The following ITGB5 variants were observed in gnomAD, a reference collection of about 807,000 sequenced individuals.
ITGB5 encodes integrin subunit beta 5.
ITGB5 carries 38 observed loss-of-function variants against 84.8 expected under a neutral mutation model. That is an observed-to-expected ratio of 0.45 (90% CI 0.35 to 0.59). The LOEUF is 0.59. ITGB5 is among the 20% of genes least tolerant of loss of function. The pLI, the probability that ITGB5 is intolerant of heterozygous loss-of-function variation, is 0.01. For missense variants in ITGB5, 905 were observed against 1,034.5 expected, an observed-to-expected ratio of 0.87 and a Z score of 1.72; for synonymous variants, 393 against 414.4, an observed-to-expected ratio of 0.95 and a Z score of 0.63.
At chr3:124,824,733 CACAG>C (rs750600023) in intron 5 of ITGB5, among the ~76,000 whole-genome samples, 97 of 152,074 alleles carry the variant, frequency 6.4e-4, no homozygotes, top group Non-Finnish European at 2.4e-4. Flanking sequence ...AAAAGATTTG[CACAG>C]ACAATTCACC....
At chr3:124,805,133 T>TTCTCTCTCTCTCTCTCTCTCTC (rs113766698) in intron 9 of ITGB5, among the ~76,000 whole-genome samples, 5 of 142,100 alleles carry the variant, frequency 3.5e-5, no homozygotes, top group Middle Eastern at 3.4e-3. Flanking sequence ...CTTTCTCCCT[T>TTCTCTCTCTCTCTCTCTCTCTC]TCTCTCTCTC....
chr3:124,891,782 G>A (rs1209873346), upstream of ITGB5, among the ~76,000 whole-genome samples: 1 of 151,722 alleles, frequency 6.6e-6, no homozygotes, highest in Non-Finnish European at 1.5e-5. Flanking sequence ...AAATTAGCTG[G>A]GTGTGGTGGC....
At chr3:124,763,807 G>T (rs2063728196) in intron 14 of ITGB5, 89 bp from the exon 15 acceptor site, 1 of 743,730 alleles carries the variant, frequency 1.3e-6, no homozygotes, top group Non-Finnish European at 2.3e-6. Flanking sequence ...CCCTTCCCAG[G>T]TCAGCCCCCT....
At chr3:124,817,878 G>A (rs180932667) in intron 7 of ITGB5, among the ~76,000 whole-genome samples, 168 bp from the exon 8 acceptor site, 1 of 152,190 alleles carries the variant, frequency 6.6e-6, no homozygotes, top group East Asian at 1.9e-4. Context: ...AAGAAGAAAT[G>A]GCACAGAAGA....
intron 5 of ITGB5, among the ~76,000 whole-genome samples, chr3:124,835,196 T>TC (rs3836315): frequency 0.11 from 17,366 of 152,162 alleles, 1,103 homozygotes; most frequent in South Asian, 0.17. Flanking sequence ...GAGTTATGAC[T>TC]CAGCCAGTTC....
chr3:124,813,200 C>T (rs918699667), intron 8 of ITGB5, among the ~76,000 whole-genome samples: 1 of 152,182 alleles, frequency 6.6e-6, no homozygotes, highest in African/African-American at 2.4e-5. Context: ...CCCAGCCTTT[C>T]CCGTTGGCCA....
intron 2 of ITGB5, among the ~76,000 whole-genome samples, chr3:124,861,155 A>G (rs2065291042): frequency 6.6e-6 from 1 of 152,152 alleles, no homozygotes; most frequent in Admixed American, 6.6e-5. Flanking sequence ...GTATTGTCCT[A>G]AGCCTACGGT....
chr3:124,861,499 C>CACACAA (rs1311090001), intron 2 of ITGB5, among the ~76,000 whole-genome samples: 1 of 115,578 alleles, frequency 8.7e-6, no homozygotes, highest in Non-Finnish European at 1.9e-5. Context: ...TATATATACA[C>CACACAA]ACACACACAC....
At position 124,851,512 on chromosome 3, in the gene ITGB5, C is replaced by T. The variant is rs533913637; in HGVS notation, c.362-2954G>A. Among the ~76,000 whole-genome samples the T allele has an allele frequency of 6.6e-5, 10 of 152,020 alleles. No individual in the cohort carries two copies. In the East Asian group the frequency reaches 7.7e-4, roughly 12 times the overall value. Reference sequence around the variant, plus strand: ...GACATGAGGGCTGAGGGAAAGAAGGCATGATATATAGGTCCCTTTGTATCC... The same window carrying T: ...GACATGAGGGCTGAGGGAAAGAAGGTATGATATATAGGTCCCTTTGTATCC... On this transcript the variant is annotated intron_variant, in intron 3 of 14. Coordinates refer to ENST00000296181, the MANE Select transcript of ITGB5 (RefSeq NM_002213.5).
chr3:124,890,785 G>T (rs1382419446), upstream of ITGB5, among the ~76,000 whole-genome samples: 1 of 152,096 alleles, frequency 6.6e-6, no homozygotes, highest in African/African-American at 2.4e-5. Context: ...AGTGATCCAG[G>T]CTCCAATATC....
intron 9 of ITGB5, among the ~76,000 whole-genome samples, chr3:124,799,917 A>T (rs2064291321): frequency 6.6e-6 from 1 of 152,184 alleles, no homozygotes; most frequent in Non-Finnish European, 1.5e-5. Context: ...GCATCTCCAC[A>T]TCTTTCTGCC....
intron 4 of ITGB5, among the ~76,000 whole-genome samples, chr3:124,842,631 C>G (rs116031439): frequency 1.2e-3 from 185 of 152,244 alleles, no homozygotes; most frequent in African/African-American, 4.3e-3. Context: ...TGTGCAGGGT[C>G]TCCAGCCATG....
At chr3:124,812,602 C>T (rs952100431) in intron 8 of ITGB5, among the ~76,000 whole-genome samples, 3 of 152,186 alleles carry the variant, frequency 2.0e-5, no homozygotes, top group East Asian at 1.9e-4. Context: ...CAGGGCTCCA[C>T]GGCTGAGCTC....
At chr3:124,809,864 T>G (rs1343124152) in intron 8 of ITGB5, among the ~76,000 whole-genome samples, 1 of 152,050 alleles carries the variant, frequency 6.6e-6, no homozygotes, top group Non-Finnish European at 1.5e-5. Flanking sequence ...ACATCAAGTG[T>G]TGGGAAAGGA....
intron 10 of ITGB5, among the ~76,000 whole-genome samples, chr3:124,786,471 A>G: frequency 6.6e-6 from 1 of 152,046 alleles, no homozygotes; most frequent in East Asian, 1.9e-4. Context: ...CAACTTCATG[A>G]CGTCAAATAA....
chr3:124,841,359 G>T, intron 5 of ITGB5, 24 bp downstream of exon 5: 1 of 1,609,570 alleles, frequency 6.2e-7, no homozygotes, highest in South Asian at 1.1e-5. Flanking sequence ...CCCATGCAGG[G>T]ACAGGACCAG....
At chr3:124,899,293 T>G (rs113177082) in intron 1 of ITGB5, among the ~76,000 whole-genome samples, 2,068 of 152,190 alleles carry the variant, frequency 0.014, 27 homozygotes, top group Non-Finnish European at 0.023. Flanking sequence ...TGTTGAGGGC[T>G]TTTTACATAG....
chr3:124,786,367 C>T (rs1158704951), intron 10 of ITGB5, among the ~76,000 whole-genome samples: 2 of 151,696 alleles, frequency 1.3e-5, no homozygotes, highest in African/African-American at 2.4e-5. Flanking sequence ...TGTACCACTG[C>T]ACTCCAGCCT....
rs779910526 is a variant in ITGB5 at position 124,809,009 on chromosome 3, G to C, written c.1263+13C>G. The C allele has an allele frequency of 6.2e-6, 10 of 1,612,970 alleles. No homozygotes were observed. In the Admixed American group the frequency reaches 1.0e-4, roughly 16 times the overall value. ...GCTAACAAGAGTTCATACAAACTTG[G>C]GGTGAGACTTACCGTGTCCCCAATC... On this transcript the variant is annotated intron_variant, in intron 9 of 14. Coordinates refer to ENST00000296181, the MANE Select transcript of ITGB5 (RefSeq NM_002213.5).
Sources: allele counts gnomAD v4.1 joint callset (sites outside exome capture counted in the v4.1 genomes callset), GRCh38; gene constraint gnomAD v4.1.1; transcripts MANE v1.5; gene names NCBI Gene and HGNC (gene_info 2026-07-23, HGNC 2026-07-21).